The following AACS variants were observed in gnomAD, a reference collection of about 807,000 sequenced individuals.
The protein encoded by AACS is acetoacetyl-CoA synthetase, also known as acetoacetate-CoA ligase.
A neutral mutation model predicts 83.1 loss-of-function variants in AACS; 69 were observed. The observed-to-expected ratio is 0.83, with a 90% CI of 0.68 to 1.01. The LOEUF (loss-of-function observed/expected upper bound fraction) is 1.01, where lower values mean the gene tolerates loss of function less well. Among genes scored for constraint, AACS ranks in the 50% least tolerant of loss-of-function variants. The pLI is 0.00. For synonymous variants in AACS, 333 were observed against 343.4 expected (o/e 0.97, Z 0.33); for missense variants, 866 against 882.2 (o/e 0.98, Z 0.23).
chr12:125,092,899 G>A (rs1447360675), intron 5 of AACS, among the ~76,000 whole-genome samples: 2 of 152,218 alleles, frequency 1.3e-5, no homozygotes, highest in African/African-American at 4.8e-5. Context: ...AGAGGGAAGG[G>A]CCCCAGGGTG....
chr12:125,114,630 A>G (rs1957017479), intron 9 of AACS, 73 bp downstream of exon 9: 1 of 1,394,290 alleles, frequency 7.2e-7, no homozygotes. Context: ...CCCATGACAC[A>G]TAGTAAGGAC....
intron 7 of AACS, among the ~76,000 whole-genome samples, chr12:125,103,298 C>T (rs551918500): frequency 3.3e-4 from 50 of 152,330 alleles, no homozygotes; most frequent in Admixed American, 5.9e-4. Flanking sequence ...GAGACAGTCC[C>T]AGGCACCCTC....
In AACS at chr12:125,134,776, C is replaced by T. The variant is rs201805860; in HGVS notation, c.1620-18C>T. ...CTCCAGAGCTGCGGTGTGGCCCTGACCTCTTCTCTCTTTCCAGTGACGGCA... is the reference window on the plus strand; with the variant it reads ...CTCCAGAGCTGCGGTGTGGCCCTGATCTCTTCTCTCTTTCCAGTGACGGCA... On this transcript the variant is annotated intron_variant, in intron 15 of 17. Transcript: ENST00000316519. 4.6e-5 allele frequency: 75 copies of T among 1,614,140 alleles called. No homozygotes were observed. Among genetic ancestry groups the T allele is most frequent in the Middle Eastern group, 3.3e-4 (2 of 6,062 alleles).
chr12:125,079,548 ATT>A lies in AACS; in HGVS notation c.358+2947_358+2948del, dbSNP rs376702569. On this transcript the variant is annotated intron_variant, in intron 3 of 17. Coordinates refer to ENST00000316519, the MANE Select transcript of AACS (RefSeq NM_023928.5). ...AGGCATGCACCACTGTGTCCGGCTAATTTTTTTTTTTAAGTTTTTTTGTAGAA... is the reference window on the plus strand; with the variant it reads ...AGGCATGCACCACTGTGTCCGGCTAATTTTTTTTTAAGTTTTTTTGTAGAA... Among the ~76,000 whole-genome samples the A allele has an allele frequency of 5.8e-3, 855 of 148,534 alleles. 12 individuals are homozygous for A. Among genetic ancestry groups the A allele is most frequent in the African/African-American group, 0.02 (824 of 40,558 alleles).
At position 125,076,594 on chromosome 12, in the gene AACS, T is replaced by G; in HGVS notation, c.341T>G (p.Val114Gly). ...NLLRHKENDR[V>G]ALYIAREGKE... ...CTGCGGCACAAAGAGAATGACAGAG[T>G]TGCCCTTTACATTGCAAGTAAGTCC... Residue 114 changes from valine to glycine, a missense_variant, in exon 3 of 18, where the codon GTT (valine) becomes GGT (glycine). Coordinates refer to ENST00000316519, the MANE Select transcript of AACS (RefSeq NM_023928.5). 1 of 1,614,010 alleles carries G rather than the reference T, an allele frequency of 6.2e-7. No individual in the cohort carries two copies. The highest frequency in any genetic ancestry group is 1.1e-5 in the South Asian group (1 of 91,080).
chr12:125,129,588 G>A lies in AACS; in HGVS notation c.1549+128G>A. The stretch of plus-strand genomic sequence containing the variant: ...CCAGGGCTTGGAGAAGCTGCTTATA[G>A]TTCATTCCGCCAGTGGGGGGATAAT... On this transcript the variant is annotated intron_variant, in intron 14 of 17. Coordinates refer to ENST00000316519, the MANE Select transcript of AACS (RefSeq NM_023928.5). The surrounding 1 kb of genome is among the most constrained non-coding windows in gnomAD (Gnocchi z 4.3). 3 of 1,237,188 alleles carry A rather than the reference G, an allele frequency of 2.4e-6. No homozygotes were observed. The Admixed American group carries it at 7.3e-5, about 30-fold the overall frequency. The allele number at this position is 1,237,188 out of a possible 1,614,324, so 76.6% of individuals were successfully genotyped here. A position where few individuals can be genotyped will look rare whatever the true frequency, so the allele number is the denominator to read the frequency against.
intron 4 of AACS, among the ~76,000 whole-genome samples, chr12:125,087,661 G>A (rs1044119601): frequency 3.3e-5 from 5 of 152,178 alleles, no homozygotes; most frequent in African/African-American, 4.8e-5. Flanking sequence ...TGCCTCTCCC[G>A]AGGGAACTTA....
Position 125,090,191 on chromosome 12 carries a change from TCTAC to T in AACS, c.473-1233_473-1230del, listed in dbSNP as rs1565932037. On this transcript the variant is annotated intron_variant, in intron 4 of 17. Coordinates refer to ENST00000316519, the MANE Select transcript of AACS (RefSeq NM_023928.5). Reference sequence around the variant, plus strand: ...TCCTGTCTATACATTCTTCTCTCCATCTACCCATTTACCCATTATCCATCTATCC... The same window carrying T: ...TCCTGTCTATACATTCTTCTCTCCATCCATTTACCCATTATCCATCTATCC... Among the ~76,000 whole-genome samples, 8 of 4,342 alleles carry T rather than the reference TCTAC, an allele frequency of 1.8e-3. 2 individuals are homozygous for T. Among genetic ancestry groups the T allele is most frequent in the Admixed American group, 2.9e-3 (1 of 350 alleles). 2.8% of individuals were successfully genotyped at this position (4,342 alleles called of 152,430 possible). A position where few individuals can be genotyped will look rare whatever the true frequency, so the allele number is the denominator to read the frequency against.
chr12:125,093,732 C>G (rs1311618541), intron 5 of AACS, among the ~76,000 whole-genome samples: 1 of 152,222 alleles, frequency 6.6e-6, no homozygotes, highest in East Asian at 1.9e-4. Flanking sequence ...ACAGGGCCAC[C>G]TGCCCTCCTG....
rs748916485 is a variant in AACS, at chr12:125,103,007, A to G, written c.693A>G (p.Pro231=). The G allele has an allele frequency of 3.1e-6, 5 of 1,613,608 alleles. No individual in the cohort carries two copies. The South Asian group carries it at 5.5e-5, about 18-fold the overall frequency. ...TCCTCTCGCTCCTTCCAGGCCTACC[A>G]GACTTGAAGAAAGTGGTGGTGATTC... ...EKLQQVVKGL[P]DLKKVVVIPY... Residue 231 remains proline (P), a synonymous_variant, in exon 7 of 18, where the codon CCA becomes CCG. Transcript: ENST00000316519.
At chr12:125,089,340 A>G (rs1457245212) in intron 4 of AACS, among the ~76,000 whole-genome samples, 1 of 152,148 alleles carries the variant, frequency 6.6e-6, no homozygotes, top group Non-Finnish European at 1.5e-5. Flanking sequence ...GGAGGGAAAA[A>G]GGGAGCCAGC....
intron 10 of AACS, chr12:125,119,744 A>G (rs1052238217): frequency 2.0e-5 from 3 of 152,196 alleles, no homozygotes; most frequent in Non-Finnish European, 2.9e-5. Context: ...ATTTGGGTGG[A>G]GACAGCTAAA....
intron 8 of AACS, among the ~76,000 whole-genome samples, chr12:125,112,097 T>C (rs973596752): frequency 1.3e-5 from 2 of 152,230 alleles, no homozygotes; most frequent in African/African-American, 2.4e-5. Context: ...CCGAGTTCCC[T>C]GTCCTTTAAG....
chr12:125,134,336 T>C (rs548173425), intron 15 of AACS, among the ~76,000 whole-genome samples: 1 of 152,290 alleles, frequency 6.6e-6, no homozygotes, highest in East Asian at 1.9e-4. Flanking sequence ...TGAGGAAGCA[T>C]TGTCTGCTCA....
chr12:125,124,712 G>A lies in AACS; in HGVS notation c.1129G>A (p.Val377Ile), dbSNP rs752729710. Reference sequence around the variant, plus strand: ...TTCCCGCCTGCACCCTAGCATCACTGTCCTGGTAACTGGGGCCAAGTGGCT... The same window carrying A: ...TTCCCGCCTGCACCCTAGCATCACTATCCTGGTAACTGGGGCCAAGTGGCT... ...WDLVDRIGIT[V>I]LVTGAKWLSV... Residue 377 changes from valine to isoleucine, a missense_variant, in exon 11 of 18, where the codon GTC (valine) becomes ATC (isoleucine). Coordinates refer to ENST00000316519, the MANE Select transcript of AACS (RefSeq NM_023928.5). The A allele has an allele frequency of 1.9e-6, 3 of 1,614,038 alleles. No homozygotes were observed. The highest frequency in any genetic ancestry group is 2.5e-6 in the Non-Finnish European group (3 of 1,180,030).
At chr12:125,081,054 G>A (rs890137912) in intron 3 of AACS, among the ~76,000 whole-genome samples, 2 of 151,608 alleles carry the variant, frequency 1.3e-5, no homozygotes, top group African/African-American at 4.9e-5. Flanking sequence ...GTGCAGTGTC[G>A]TGATCACAGT....
At chr12:125,112,079 C>G (rs1956964714) in intron 8 of AACS, among the ~76,000 whole-genome samples, 1 of 152,188 alleles carries the variant, frequency 6.6e-6, no homozygotes, top group Non-Finnish European at 1.5e-5. Flanking sequence ...GCCACAGGCT[C>G]CTAGAATCCG....
intron 5 of AACS, among the ~76,000 whole-genome samples, chr12:125,098,828 C>T (rs1956665573): frequency 3.9e-5 from 6 of 152,234 alleles, no homozygotes. Context: ...ATGTGGCCAC[C>T]TTGCCTAACT....
At chr12:125,099,651 C>T (rs1956677237) in intron 5 of AACS, among the ~76,000 whole-genome samples, 1 of 152,108 alleles carries the variant, frequency 6.6e-6, no homozygotes, top group Admixed American at 6.6e-5. Context: ...AGTAAGTGTT[C>T]TACAAGGGAT....
Sources: allele counts gnomAD v4.1 joint callset (sites outside exome capture counted in the v4.1 genomes callset), GRCh38; gene constraint gnomAD v4.1.1; non-coding constraint Gnocchi (gnomAD v3.1); transcripts MANE v1.5; gene names NCBI Gene and HGNC (gene_info 2026-07-23, HGNC 2026-07-21).